The following EYA1 variants were observed in gnomAD, a reference collection of about 807,000 sequenced individuals.
The protein encoded by EYA1 is protein phosphatase EYA1.
A neutral mutation model predicts 82.0 loss-of-function variants in EYA1; 16 were observed. The ratio of observed to expected loss-of-function variants is 0.20; its 90% CI spans 0.13 to 0.30. The LOEUF is 0.30. Ranked by LOEUF, EYA1 falls within the 10% of genes least tolerant of loss-of-function variation. The pLI is 1.00. For missense variants in EYA1, 633 were observed against 730.7 expected, an observed-to-expected ratio of 0.87 and a Z score of 1.54; for synonymous variants, 261 against 264.4, an observed-to-expected ratio of 0.99 and a Z score of 0.12.
chr8:71,274,749 T>C (rs1244745632), intron 9 of EYA1, among the ~76,000 whole-genome samples: 1 of 152,178 alleles, frequency 6.6e-6, no homozygotes, highest in Non-Finnish European at 1.5e-5. Flanking sequence ...GAAGTCCACA[T>C]AACTCAGATT....
intron 9 of EYA1, among the ~76,000 whole-genome samples, chr8:71,282,904 T>C (rs181891697): frequency 6.6e-6 from 1 of 151,030 alleles, no homozygotes; most frequent in Non-Finnish European, 1.5e-5. Flanking sequence ...TCACATGTGC[T>C]AAGCAGAAGC....
intron 12 of EYA1, among the ~76,000 whole-genome samples, chr8:71,241,826 T>G (rs890105039): frequency 8.2e-4 from 124 of 151,946 alleles, no homozygotes; most frequent in Admixed American, 1.6e-3. Flanking sequence ...TTTTTTTTTT[T>G]GCCAGAAAAT....
chr8:71,241,052 C>G (rs556994385), intron 12 of EYA1, among the ~76,000 whole-genome samples: 1 of 152,268 alleles, frequency 6.6e-6, no homozygotes, highest in South Asian at 2.1e-4. Flanking sequence ...GTTAGTCAGA[C>G]TTAGAAATAG....
intron 17 of EYA1, among the ~76,000 whole-genome samples, chr8:71,203,606 T>A (rs1037811554): frequency 2.0e-5 from 3 of 152,060 alleles, no homozygotes; most frequent in Admixed American, 2.0e-4. Flanking sequence ...CGTAGAGATG[T>A]TAAGGAGGTT....
At chr8:71,409,005 G>A (rs1417843367) in intron 2 of EYA1, among the ~76,000 whole-genome samples, 4 of 122,308 alleles carry the variant, frequency 3.3e-5, no homozygotes, top group Non-Finnish European at 5.0e-5. Context: ...TAAAAGAACA[G>A]AAATTATAAC....
chr8:71,510,750 T>C (rs1352784912), intron 2 of EYA1, among the ~76,000 whole-genome samples: 1 of 152,074 alleles, frequency 6.6e-6, no homozygotes, highest in Admixed American at 6.6e-5. Flanking sequence ...TGAAGCACTA[T>C]TGTGGCAAAA....
At chr8:71,428,438 C>G (rs1195748566) in intron 2 of EYA1, among the ~76,000 whole-genome samples, 1 of 152,064 alleles carries the variant, frequency 6.6e-6, no homozygotes, top group African/African-American at 2.4e-5. Flanking sequence ...TTCCATTATA[C>G]CAAAAAATTG....
intron 2 of EYA1, among the ~76,000 whole-genome samples, chr8:71,497,573 G>A (rs1015535585): frequency 1.3e-5 from 2 of 152,020 alleles, no homozygotes; most frequent in African/African-American, 4.8e-5. Context: ...ACAGATAAGT[G>A]TTGGTAAGAA....
At chr8:71,364,400 G>A (rs1464659313), upstream of EYA1, among the ~76,000 whole-genome samples, 1 of 151,882 alleles carries the variant, frequency 6.6e-6, no homozygotes, top group African/African-American at 2.4e-5. Context: ...CTATGATAAA[G>A]AGCCACATTT....
At chr8:71,203,034 C>T (rs911176485) in intron 17 of EYA1, among the ~76,000 whole-genome samples, 1 of 152,110 alleles carries the variant, frequency 6.6e-6, no homozygotes, top group Admixed American at 6.6e-5. Context: ...TGTTTAGCCA[C>T]TAGAACAAAC....
At chr8:71,415,718 G>T (rs1410890227) in intron 2 of EYA1, among the ~76,000 whole-genome samples, 1 of 152,134 alleles carries the variant, frequency 6.6e-6, no homozygotes, top group African/African-American at 2.4e-5. Flanking sequence ...CTATAGACAC[G>T]ACTTGGCCCC....
At chr8:71,429,865 G>T (rs1805498154) in intron 2 of EYA1, among the ~76,000 whole-genome samples, 2 of 152,118 alleles carry the variant, frequency 1.3e-5, no homozygotes, top group South Asian at 4.1e-4. Flanking sequence ...CTTGTCAAAT[G>T]AAGTTCTTTG....
At chr8:71,390,668 T>C (rs954939702) in intron 2 of EYA1, among the ~76,000 whole-genome samples, 2 of 152,334 alleles carry the variant, frequency 1.3e-5, no homozygotes, top group East Asian at 3.9e-4. Flanking sequence ...ATAGGAATTA[T>C]TCTTTCTCTG....
chr8:71,276,434 C>T (rs1817182104), intron 9 of EYA1, among the ~76,000 whole-genome samples: 1 of 152,162 alleles, frequency 6.6e-6, no homozygotes, highest in African/African-American at 2.4e-5. Flanking sequence ...CTAGACCTCT[C>T]TACCCAAGTA....
intron 3 of EYA1, among the ~76,000 whole-genome samples, chr8:71,347,178 G>C (rs532024674): frequency 4.1e-4 from 63 of 152,344 alleles, no homozygotes; most frequent in African/African-American, 1.5e-3. Context: ...ATGTTTTAAA[G>C]TGTAAAGAAT....
At chr8:71,353,004 C>T (rs905625541) in intron 3 of EYA1, among the ~76,000 whole-genome samples, 6 of 152,168 alleles carry the variant, frequency 3.9e-5, no homozygotes, top group African/African-American at 9.6e-5. Context: ...AAATTAACTA[C>T]CAGTATTTCA....
chr8:71,430,994 A>G (rs1484075734), intron 2 of EYA1, among the ~76,000 whole-genome samples: 2 of 152,094 alleles, frequency 1.3e-5, no homozygotes, highest in Admixed American at 6.5e-5. Flanking sequence ...GAGTCAAGGT[A>G]GACACCCAAA....
chr8:71,293,162 C>T (rs556938976), intron 9 of EYA1, among the ~76,000 whole-genome samples: 9 of 152,040 alleles, frequency 5.9e-5, no homozygotes, highest in Non-Finnish European at 1.3e-4. Flanking sequence ...ATGAACAATT[C>T]TATATCCACA....
chr8:71,467,939 T>C (rs1343574779), intron 2 of EYA1, among the ~76,000 whole-genome samples: 1 of 152,250 alleles, frequency 6.6e-6, no homozygotes, highest in East Asian at 1.9e-4. Flanking sequence ...AGATATCACA[T>C]TGAATTGAAC....
Sources: allele counts gnomAD v4.1 joint callset (sites outside exome capture counted in the v4.1 genomes callset), GRCh38; gene constraint gnomAD v4.1.1; transcripts MANE v1.5; gene names NCBI Gene and HGNC (gene_info 2026-07-23, HGNC 2026-07-21).